KLRF1: variants seen among roughly 807,000 people sequenced by gnomAD.
KLRF1 encodes the protein killer cell lectin like receptor F1.
A neutral mutation model predicts 30.7 loss-of-function variants in KLRF1; 27 were observed. That is an observed-to-expected ratio of 0.88 (90% confidence interval 0.65 to 1.21). The LOEUF (loss-of-function observed/expected upper bound fraction) is 1.21, where lower values mean the gene tolerates loss of function less well. Among genes scored for constraint, KLRF1 ranks in the 50% most tolerant of loss-of-function variants. KLRF1 has a pLI of 0.00. For synonymous variants in KLRF1, 92 were observed against 89.3 expected (o/e 1.03, Z -0.17); for missense variants, 246 against 259.3 (o/e 0.95, Z 0.35).
Position 9,839,071 on chromosome 12 carries a change from GC to G in KLRF1, c.335-2739del, listed in dbSNP as rs764117591. On this transcript the variant is annotated intron_variant, in intron 3 of 5. Coordinates refer to ENST00000617889, the MANE Select transcript of KLRF1 (RefSeq NM_016523.3). ...GGATGGGCCTTACTCAGTTTGGGGT[GC>G]CACAGCTAATTACCATAAACTAGGT... Among the ~76,000 whole-genome samples, 252 of 152,200 alleles carry G rather than the reference GC, an allele frequency of 1.7e-3. 2 individuals are homozygous for G. The highest frequency in any genetic ancestry group is 4.5e-3 in the East Asian group (23 of 5,162).
the KLRF1 span, among the ~76,000 whole-genome samples, chr12:9,807,132 T>C: frequency 6.6e-6 from 1 of 152,130 alleles, no homozygotes; most frequent in South Asian, 2.1e-4. Context: ...AATTAACTTA[T>C]AAGAATCTAT....
Position 9,829,970 on chromosome 12 carries a change from G to A in KLRF1, c.85+2341G>A, listed in dbSNP as rs546029946. On this transcript the variant is annotated intron_variant, in intron 1 of 5. Transcript: ENST00000617889. Reference sequence around the variant, plus strand: ...CAAACAACAACAAATAAAACAACCCGATGTAGCTTTTACGTCTAAATTACT... The same window carrying A: ...CAAACAACAACAAATAAAACAACCCAATGTAGCTTTTACGTCTAAATTACT... Among the ~76,000 whole-genome samples the A allele has an allele frequency of 2.0e-4, 30 of 152,128 alleles. 2 individuals are homozygous for A. Among genetic ancestry groups the A allele is most frequent in the South Asian group, 6.2e-4 (3 of 4,818 alleles).
intron 1 of KLRF1, among the ~76,000 whole-genome samples, chr12:9,830,992 A>G (rs1391522986): frequency 1.3e-5 from 2 of 151,482 alleles, no homozygotes; most frequent in African/African-American, 4.8e-5. Flanking sequence ...TTTTTTTGAG[A>G]TGGAGTCTCG....
chr12:9,831,463 T>A (rs1867426317), intron 1 of KLRF1, among the ~76,000 whole-genome samples: 1 of 152,172 alleles, frequency 6.6e-6, no homozygotes, highest in Non-Finnish European at 1.5e-5. Flanking sequence ...CATTAATAAT[T>A]CAATTTATTG....
upstream of KLRF1, among the ~76,000 whole-genome samples, chr12:9,822,935 T>G (rs1867243717): frequency 6.6e-6 from 1 of 152,214 alleles, no homozygotes; most frequent in Non-Finnish European, 1.5e-5. Context: ...CAAATATATA[T>G]GTACCTAGTA....
At chr12:9,817,793 C>T in the KLRF1 span, 1 of 195,190 alleles carries the variant, frequency 5.1e-6, no homozygotes, top group Non-Finnish European at 1.2e-5. Context: ...GGTGCAGGCA[C>T]TTCCTCAGTT....
chr12:9,837,979 G>C (rs1336168235), intron 3 of KLRF1, among the ~76,000 whole-genome samples: 1 of 152,146 alleles, frequency 6.6e-6, no homozygotes, highest in East Asian at 1.9e-4. Flanking sequence ...CTGAGAACAA[G>C]AGAGTTTATA....
the KLRF1 span, among the ~76,000 whole-genome samples, chr12:9,821,241 C>CTG: frequency 6.6e-6 from 1 of 152,090 alleles, no homozygotes; most frequent in Non-Finnish European, 1.5e-5. Flanking sequence ...TGCAGCTGCC[C>CTG]CACCCCCATG....
Position 9,833,329 on chromosome 12 carries a change from C to G in KLRF1, c.211C>G (p.Gln71Glu). ...LVSQGVLLKC[Q>E]KGSCSNATQY... ...TTCTCAGGGAGTATTGCTAAAATGC[C>G]AAAAAGGAAGTTGTTCAAATGCCAC... is the stretch of plus-strand genomic sequence containing the variant. Residue 71 changes from glutamine (Q) to glutamate (E), a missense_variant, in exon 3 of 6, where the codon CAA (glutamine) becomes GAA (glutamate). Physicochemically the swap from Gln to Glu is conservative, Grantham distance 29. Coordinates refer to ENST00000617889, the MANE Select transcript of KLRF1 (RefSeq NM_016523.3). 2.5e-6 allele frequency: 4 copies of G among 1,602,364 alleles called. No individual in the cohort carries two copies. The highest frequency in any genetic ancestry group is 3.4e-6 in the Non-Finnish European group (4 of 1,175,252).
intron 1 of KLRF1, among the ~76,000 whole-genome samples, chr12:9,832,016 A>G (rs1472321363): frequency 6.6e-6 from 1 of 152,186 alleles, no homozygotes; most frequent in Non-Finnish European, 1.5e-5. Context: ...GTGTCTCCGC[A>G]ATGGTTGGAA....
At position 9,844,503 on chromosome 12, in the gene KLRF1, T is replaced by C; in HGVS notation, c.673T>C (p.Phe225Leu). ...KIFSETCSSV[F>L]KWICQY ...TTTCTCTGAAACCTGCAGCAGTGTT[T>C]TCAAATGGATTTGTCAGTATTAGAG... Residue 225 changes from phenylalanine (F) to leucine (L), a missense_variant, in exon 6 of 6, where the codon TTC becomes CTC. Phe to Leu is a conservative substitution (Grantham distance 22). Coordinates refer to ENST00000617889, the MANE Select transcript of KLRF1 (RefSeq NM_016523.3). 1 of 1,601,374 alleles carries C rather than the reference T, an allele frequency of 6.2e-7. No individual in the cohort carries two copies. The highest frequency in any genetic ancestry group is 2.2e-5 in the East Asian group (1 of 44,724).
the KLRF1 span, among the ~76,000 whole-genome samples, chr12:9,810,292 T>C: frequency 6.6e-6 from 1 of 152,244 alleles, no homozygotes; most frequent in African/African-American, 2.4e-5. Flanking sequence ...TTAGAGTTTC[T>C]GAGCCTGAAC....
At chr12:9,830,543 A>G (rs928057526) in intron 1 of KLRF1, among the ~76,000 whole-genome samples, 1 of 152,208 alleles carries the variant, frequency 6.6e-6, no homozygotes, top group African/African-American at 2.4e-5. Flanking sequence ...TTCATTAGAC[A>G]TAAAACTATT....
At chr12:9,833,840 G>A (rs1046515031) in intron 3 of KLRF1, among the ~76,000 whole-genome samples, 2 of 149,110 alleles carry the variant, frequency 1.3e-5, no homozygotes, top group Non-Finnish European at 3.0e-5. Context: ...AGACTTTTAA[G>A]CTTAGAAATT....
chr12:9,804,694 T>C, the KLRF1 span, among the ~76,000 whole-genome samples: 4 of 151,974 alleles, frequency 2.6e-5, no homozygotes, highest in African/African-American at 9.7e-5. Flanking sequence ...TCTCTGAGAG[T>C]AGATATCCTT....
At position 9,844,720 on chromosome 12, in the gene KLRF1, A is replaced by T; in HGVS notation, c.*194A>T. The T allele has an allele frequency of 4.8e-6, 2 of 415,502 alleles. No homozygotes were observed. Among genetic ancestry groups the T allele is most frequent in the South Asian group, 6.6e-5 (2 of 30,256 alleles). 25.7% of individuals were successfully genotyped at this position (415,502 alleles called of 1,614,324 possible). A position where few individuals can be genotyped will look rare whatever the true frequency, so the allele number is the denominator to read the frequency against. On this transcript the variant is annotated 3_prime_UTR_variant, in exon 6 of 6. Coordinates refer to ENST00000617889, the MANE Select transcript of KLRF1 (RefSeq NM_016523.3). ...AACAAACTAAAATGTACACTTCAAA[A>T]TTTTTACGTGATAGTATAAACCAAT... is the stretch of plus-strand genomic sequence containing the variant.
intron 3 of KLRF1, among the ~76,000 whole-genome samples, chr12:9,835,352 C>T (rs958528663): frequency 5.9e-5 from 9 of 151,912 alleles, no homozygotes; most frequent in Non-Finnish European, 8.8e-5. Flanking sequence ...CCAGCTAGGG[C>T]GGCAGCCACC....
Position 9,844,666 on chromosome 12 carries a change from A to G in KLRF1, c.*140A>G. On this transcript the variant is annotated 3_prime_UTR_variant, in exon 6 of 6. Transcript: ENST00000617889. ...TCTCCCTTCTCCCTCCATCATCGAC[A>G]CTGGTCTAGCCTCAGAGTAACCCCT... is the stretch of plus-strand genomic sequence containing the variant. 1 of 558,856 alleles carries G rather than the reference A, an allele frequency of 1.8e-6. No individual in the cohort carries two copies. The highest frequency in any genetic ancestry group is 2.1e-5 in the South Asian group (1 of 48,212). The allele number at this position is 558,856 out of a possible 1,614,324, so 34.6% of individuals were successfully genotyped here. A position where few individuals can be genotyped will look rare whatever the true frequency, so the allele number is the denominator to read the frequency against.
intron 1 of KLRF1, among the ~76,000 whole-genome samples, chr12:9,829,700 A>G (rs1867367898): frequency 6.6e-6 from 1 of 152,202 alleles, no homozygotes; most frequent in Admixed American, 6.5e-5. Flanking sequence ...TCAAGGTTAC[A>G]AAGAGCTCTA....
Sources: gnomAD v4.1 joint callset for allele counts (sites outside exome capture counted in the v4.1 genomes callset) on GRCh38, gnomAD v4.1.1 for gene constraint, MANE v1.5 for transcripts, NCBI Gene and HGNC (gene_info 2026-07-23, HGNC 2026-07-21) for gene names.